CEP131: variants seen among roughly 807,000 people sequenced by gnomAD.
CEP131 encodes the protein centrosomal protein 131, also known as centrosomal protein of 131 kDa.
In CEP131, 99 loss-of-function variants were observed where a neutral mutation model predicts 136.8. The observed-to-expected ratio is 0.72, with a 90% confidence interval of 0.62 to 0.86. CEP131 has a LOEUF of 0.86. CEP131 is among the 40% of genes least tolerant of loss of function. The pLI, the probability that CEP131 is intolerant of heterozygous loss-of-function variation, is 0.00. For missense variants in CEP131, 1,459 were observed against 1,463.0 expected, an observed-to-expected ratio of 1.00 and a Z score of 0.04; for synonymous variants, 646 against 612.7, an observed-to-expected ratio of 1.05 and a Z score of -0.80.
At chr17:81,220,189 G>T in intron 1 of CEP131, 116 bp from the exon 2 acceptor site, 2 of 878,550 alleles carry the variant, frequency 2.3e-6, no homozygotes, top group Non-Finnish European at 3.1e-6. Flanking sequence ...TTCCTGGGAA[G>T]GCCTGTCACA....
intron 10 of CEP131, 140 bp from the exon 11 acceptor site, chr17:81,199,111 C>T (rs776535817): frequency 5.1e-5 from 45 of 880,932 alleles, no homozygotes; most frequent in Non-Finnish European, 7.2e-5. Context: ...GGAGCCACGG[C>T]CTTCTGGGTG....
rs2061798871 is a variant in CEP131 at position 81,197,848 on chromosome 17, T to C, written c.1511A>G (p.Lys504Arg). 2 of 1,612,996 alleles carry C rather than the reference T, an allele frequency of 1.2e-6. No individual in the cohort carries two copies. Among genetic ancestry groups the C allele is most frequent in the African/African-American group, 1.3e-5 (1 of 74,930 alleles). ...ASSLTADNLE[K>R]FGKLSAFPEP... is the part of the protein sequence containing the mutation. ...GGGGAACGCACTGAGTTTTCCAAAT[T>C]TCTCCAAGTTGTCAGCTGTCAGAGA... The change falls in exon 13 of 26, where the codon AAA (lysine) becomes AGA (arginine). Residue 504 changes from lysine to arginine, a missense_variant. This residue lies in a region of CEP131 where 1,026 missense variants were observed against 964.2 expected (regional missense o/e 1.06). Transcript: ENST00000450824.
intron 8 of CEP131, 125 bp from the exon 9 acceptor site, chr17:81,199,960 A>T (rs2061853845): frequency 1.1e-6 from 1 of 944,908 alleles, no homozygotes; most frequent in Non-Finnish European, 1.7e-6. Flanking sequence ...GCCAGCAGGG[A>T]AAGTGAAACC....
chr17:81,189,936 GCTCACGGCCTC>G lies in CEP131; in HGVS notation c.3136_3146del (p.Glu1046GlnfsTer7). The G allele has an allele frequency of 6.2e-7, 1 of 1,611,762 alleles. No homozygotes were observed. Among genetic ancestry groups the G allele is most frequent in the Non-Finnish European group, 8.5e-7 (1 of 1,178,822 alleles). ...TCACCTCATGTTGTGTCCGGAGGCT[GCTCACGGCCTC>G]CTCCTTCCTCGCGAGGGCTGTCTTC... On this transcript the variant is annotated frameshift_variant, in exon 25 of 26. Coordinates refer to ENST00000450824, the MANE Select transcript of CEP131 (RefSeq NM_014984.4). LOFTEE classifies it low-confidence loss of function (END_TRUNC).
At chr17:81,197,930 C>T in intron 12 of CEP131, 42 bp from the exon 13 acceptor site, 1 of 1,589,798 alleles carries the variant, frequency 6.3e-7, no homozygotes, top group South Asian at 1.1e-5. Context: ...TCAGGGCAGC[C>T]TGAGGACTTG....
At chr17:81,207,519 T>G (rs1231846733) in intron 3 of CEP131, among the ~76,000 whole-genome samples, 19 of 151,840 alleles carry the variant, frequency 1.3e-4, no homozygotes, top group Non-Finnish European at 2.4e-4. Flanking sequence ...CTTTTTTTTT[T>G]TTTTATGTTA....
At chr17:81,191,376 C>T (rs773759326) in intron 21 of CEP131, 41 bp from the exon 22 acceptor site, 23 of 1,609,602 alleles carry the variant, frequency 1.4e-5, no homozygotes, top group Middle Eastern at 1.7e-4. Context: ...CACCCGGAGC[C>T]GGCCCGCGGG....
At chr17:81,193,879 C>A (rs908536387) in intron 18 of CEP131, 47 bp downstream of exon 18, 16 of 1,520,994 alleles carry the variant, frequency 1.1e-5, no homozygotes, top group Non-Finnish European at 1.4e-5. Flanking sequence ...GATTCCGACT[C>A]CCCGCCCTGA....
At chr17:81,218,901 T>A (rs2062319574) in intron 2 of CEP131, among the ~76,000 whole-genome samples, 1 of 152,236 alleles carries the variant, frequency 6.6e-6, no homozygotes, top group South Asian at 2.1e-4. Flanking sequence ...CTCTCTGCCC[T>A]GCTATGTTGC....
chr17:81,190,994 C>G lies in CEP131; in HGVS notation c.2856G>C (p.Lys952Asn), dbSNP rs376750143. ...CGCCCTCGGCCTCCCCAAGCTGGCC[C>G]TTCAGCTCCGAGCACCGCTCCTGAA... ...RKLQERCSELKGQLGEAEGEN... is the reference protein window; with the variant it reads ...RKLQERCSELNGQLGEAEGEN... The change falls in exon 23 of 26, where the codon AAG becomes AAC. Residue 952 changes from lysine to asparagine, a missense_variant. Transcript: ENST00000450824. The G allele has an allele frequency of 1.9e-6, 3 of 1,608,678 alleles. No homozygotes were observed. The Admixed American group carries it at 5.0e-5, about 27-fold the overall frequency.
Position 81,219,472 on chromosome 17 carries a change from A to G in CEP131, c.177+408T>C, listed in dbSNP as rs1192680956. 6.6e-6 allele frequency among the ~76,000 whole-genome samples: 1 copy of G among 151,114 alleles called. No individual in the cohort carries two copies. The highest frequency in any genetic ancestry group is 1.9e-4 in the East Asian group (1 of 5,132). On this transcript the variant is annotated intron_variant, in intron 2 of 25. Coordinates refer to ENST00000450824, the MANE Select transcript of CEP131 (RefSeq NM_014984.4). The surrounding 1 kb of genome is among the most constrained non-coding windows in gnomAD (Gnocchi z 4.0). ...CCATGCCCGGCTAATTTTTTTTTGTATCTTTAGTAGAGACGGAGTTTCACC... is the reference window on the plus strand; with the variant it reads ...CCATGCCCGGCTAATTTTTTTTTGTGTCTTTAGTAGAGACGGAGTTTCACC...
chr17:81,197,110 G>A lies in CEP131; in HGVS notation c.1648-55C>T, dbSNP rs914718379. 11 of 1,544,508 alleles carry A rather than the reference G, an allele frequency of 7.1e-6. No individual in the cohort carries two copies. The Admixed American group carries it at 1.4e-4, about 19-fold the overall frequency. On this transcript the variant is annotated intron_variant, in intron 13 of 25. Coordinates refer to ENST00000450824, the MANE Select transcript of CEP131 (RefSeq NM_014984.4). Reference sequence around the variant, plus strand: ...GCGGCAGAGGACGGGGGGCAGCCAAGGACCTGACACGATGCCCCTGCGGCC... The same window carrying A: ...GCGGCAGAGGACGGGGGGCAGCCAAAGACCTGACACGATGCCCCTGCGGCC...
chr17:81,197,176 C>T lies in CEP131; in HGVS notation c.1648-121G>A, dbSNP rs538982838. The stretch of plus-strand genomic sequence containing the variant: ...AGAGGGGCTGCTGCACACGGGAGCC[C>T]GTGGGAAGCCGGAGGGCAGGTGGCA... On this transcript the variant is annotated intron_variant, in intron 13 of 25. Transcript: ENST00000450824. 157 of 1,402,252 alleles carry T rather than the reference C, an allele frequency of 1.1e-4. No individual in the cohort carries two copies. In the Admixed American group the frequency reaches 1.1e-3, roughly 10 times the overall value. The allele number at this position is 1,402,252 out of a possible 1,614,324, so 86.9% of individuals were successfully genotyped here. A position where few individuals can be genotyped will look rare whatever the true frequency, so the allele number is the denominator to read the frequency against.
At chr17:81,195,533 G>C (rs1033002434) in intron 16 of CEP131, among the ~76,000 whole-genome samples, 4 of 152,204 alleles carry the variant, frequency 2.6e-5, no homozygotes, top group African/African-American at 9.6e-5. Context: ...CTGGCAGTGG[G>C]GCAGACCAGG....
At chr17:81,218,951 C>G (rs1280204556) in intron 2 of CEP131, among the ~76,000 whole-genome samples, 5 of 152,270 alleles carry the variant, frequency 3.3e-5, no homozygotes, top group Non-Finnish European at 7.3e-5. Context: ...GACCGGCTGC[C>G]GCATGGAAGC....
In CEP131 at chr17:81,190,982, C is replaced by T. The variant is rs778275214; in HGVS notation, c.2868G>A (p.Gly956=). 1 of 1,607,672 alleles carries T rather than the reference C, an allele frequency of 6.2e-7. No individual in the cohort carries two copies. The highest frequency in any genetic ancestry group is 1.1e-5 in the South Asian group (1 of 91,080). ...GACGCAGATTCTCGCCCTCGGCCTC[C>T]CCAAGCTGGCCCTTCAGCTCCGAGC... The part of the protein sequence containing the change: ...ERCSELKGQL[G]EAEGENLRLQ... Residue 956 remains glycine, a synonymous_variant, in exon 23 of 26, where the codon GGG becomes GGA. Coordinates refer to ENST00000450824, the MANE Select transcript of CEP131 (RefSeq NM_014984.4).
intron 7 of CEP131, among the ~76,000 whole-genome samples, chr17:81,200,829 C>T (rs1005903238): frequency 1.3e-5 from 2 of 152,228 alleles, no homozygotes; most frequent in Non-Finnish European, 2.9e-5. Flanking sequence ...CAGGCCAGTG[C>T]AGACCACAGG....
chr17:81,219,778 A>T lies in CEP131; in HGVS notation c.177+102T>A. On this transcript the variant is annotated intron_variant, in intron 2 of 25. Coordinates refer to ENST00000450824, the MANE Select transcript of CEP131 (RefSeq NM_014984.4). The surrounding 1 kb of genome is among the most constrained non-coding windows in gnomAD (Gnocchi z 4.0). The stretch of plus-strand genomic sequence containing the variant: ...CGAGGATCCAGCATGTCCAGATGTG[A>T]GGCACTTGTTCACCTGTGGAGCTGG... 1 of 1,257,562 alleles carries T rather than the reference A, an allele frequency of 8.0e-7. No homozygotes were observed. Among genetic ancestry groups the T allele is most frequent in the Non-Finnish European group, 1.1e-6 (1 of 932,212 alleles). The allele number at this position is 1,257,562 out of a possible 1,614,324, so 77.9% of individuals were successfully genotyped here. A position where few individuals can be genotyped will look rare whatever the true frequency, so the allele number is the denominator to read the frequency against.
rs369205399 is a variant in CEP131, at chr17:81,193,943, G to T, written c.2304C>A (p.Arg768=). The change falls in exon 18 of 26, where the codon CGC becomes CGA. Residue 768 remains arginine (R), a synonymous_variant. Coordinates refer to ENST00000450824, the MANE Select transcript of CEP131 (RefSeq NM_014984.4). Reference sequence around the variant, plus strand: ...CCACCCACCGCTGCCGAGCACGTTCGCGCTCCTGCTGGCCCAGCGCCTCCT... The same window carrying T: ...CCACCCACCGCTGCCGAGCACGTTCTCGCTCCTGCTGGCCCAGCGCCTCCT... ...REKEALGQQE[R]ERARQRFQQH... The T allele has an allele frequency of 2.8e-5, 43 of 1,538,028 alleles. No individual in the cohort carries two copies. In the African/African-American group the frequency reaches 5.4e-4, roughly 19 times the overall value.
Sources: gnomAD v4.1 joint callset for allele counts (sites outside exome capture counted in the v4.1 genomes callset) on GRCh38, gnomAD v4.1.1 for gene constraint, gnomAD v4.1.1 regional missense constraint, Gnocchi (gnomAD v3.1) non-coding constraint, MANE v1.5 for transcripts, NCBI Gene and HGNC (gene_info 2026-07-23, HGNC 2026-07-21) for gene names.